TSPEAR: variants seen among roughly 807,000 people sequenced by gnomAD.
The protein encoded by TSPEAR is thrombospondin-type laminin G domain and EAR repeat-containing protein.
Under a neutral mutation model 71.6 loss-of-function variants are expected in TSPEAR, and 69 were observed. The ratio of observed to expected loss-of-function variants is 0.96; its 90% CI spans 0.79 to 1.18. The LOEUF (loss-of-function observed/expected upper bound fraction) is 1.18, where lower values mean the gene tolerates loss of function less well. TSPEAR is among the 50% of genes most tolerant of loss of function. The pLI is 0.00. For missense variants in TSPEAR, 971 were observed against 894.9 expected (o/e 1.09, Z -1.09); for synonymous variants, 402 against 387.2 (o/e 1.04, Z -0.45).
chr21:44,590,185 C>T (rs1273100094), intron 1 of TSPEAR, among the ~76,000 whole-genome samples: 1 of 152,254 alleles, frequency 6.6e-6, no homozygotes, highest in Non-Finnish European at 1.5e-5. Context: ...ATGCAAGGGT[C>T]ATTTGCTGGG....
intron 2 of TSPEAR, among the ~76,000 whole-genome samples, chr21:44,537,010 A>G (rs2053100895): frequency 6.6e-6 from 1 of 152,252 alleles, no homozygotes; most frequent in African/African-American, 2.4e-5. Context: ...GGAATATTTT[A>G]GACCTATAGA....
chr21:44,622,629 G>T (rs1338606250), intron 1 of TSPEAR, among the ~76,000 whole-genome samples: 1 of 152,134 alleles, frequency 6.6e-6, no homozygotes, highest in African/African-American at 2.4e-5. Flanking sequence ...GCTGTCATAC[G>T]CCGTCTTCCC....
At chr21:44,682,043 G>A (rs782613822) in intron 1 of TSPEAR, 19 of 1,613,964 alleles carry the variant, frequency 1.2e-5, no homozygotes, top group South Asian at 3.3e-5. Context: ...GGCAGCCCAC[G>A]GGGATGTAAC....
At chr21:44,562,715 C>T (rs1388583469) in intron 2 of TSPEAR, among the ~76,000 whole-genome samples, 2 of 152,044 alleles carry the variant, frequency 1.3e-5, no homozygotes, top group Non-Finnish European at 1.5e-5. Flanking sequence ...TATGATGGTA[C>T]ATTCAAAGTG....
At chr21:44,707,151 C>G (rs1034970517) in intron 1 of TSPEAR, among the ~76,000 whole-genome samples, 17 of 152,246 alleles carry the variant, frequency 1.1e-4, no homozygotes, top group African/African-American at 3.9e-4. Flanking sequence ...GATCAGGGCG[C>G]GAAGCCCACT....
chr21:44,532,665 C>T lies in TSPEAR; in HGVS notation c.542+1020G>A, dbSNP rs79324807. On this transcript the variant is annotated intron_variant, in intron 3 of 11. Coordinates refer to ENST00000323084, the MANE Select transcript of TSPEAR (RefSeq NM_144991.3). ...TTAATAGATTTAATATAAACTGGAT[C>T]ATTTGCAATTAAAAAGACAGAAGCG... Among the ~76,000 whole-genome samples the T allele has an allele frequency of 2.7e-3, 412 of 152,318 alleles. 9 individuals carry two copies. The highest frequency in any genetic ancestry group is 0.022 in the East Asian group (115 of 5,186).
intron 2 of TSPEAR, among the ~76,000 whole-genome samples, chr21:44,548,667 G>A (rs1208257738): frequency 5.3e-5 from 8 of 152,194 alleles, no homozygotes; most frequent in Admixed American, 1.3e-4. Flanking sequence ...CGGGGACGGT[G>A]GGTTTGTTTA....
chr21:44,606,064 CT>C (rs782750482), intron 1 of TSPEAR, among the ~76,000 whole-genome samples: 3 of 149,390 alleles, frequency 2.0e-5, no homozygotes, highest in Non-Finnish European at 4.4e-5. Flanking sequence ...TGAGGGACTA[CT>C]ACTCACAATA....
chr21:44,673,100 T>C (rs1226936394), intron 1 of TSPEAR, among the ~76,000 whole-genome samples: 1 of 152,200 alleles, frequency 6.6e-6, no homozygotes, highest in African/African-American at 2.4e-5. Context: ...TGGCACATTA[T>C]AGTCAAACTG....
Position 44,574,679 on chromosome 21 carries a change from C to T in TSPEAR, c.83-6674G>A, listed in dbSNP as rs372101809. 3.2e-5 allele frequency: 51 copies of T among 1,606,606 alleles called. 1 individual carries two copies. The highest frequency in any genetic ancestry group is 4.3e-5 in the Non-Finnish European group (51 of 1,175,840). On this transcript the variant is annotated intron_variant, in intron 1 of 11. Transcript: ENST00000323084. The stretch of plus-strand genomic sequence containing the variant: ...AGCAGTCTAGCTGCCAGCCAGCTTG[C>T]TGCACCTCCTCCCAAAGCCAGCAGG...
intron 2 of TSPEAR, chr21:44,558,773 G>A (rs2053591159): frequency 1.3e-6 from 2 of 1,546,976 alleles, no homozygotes; most frequent in African/African-American, 2.7e-5. Flanking sequence ...GTGGGAGTGA[G>A]TGAGGGAGTG....
intron 1 of TSPEAR, among the ~76,000 whole-genome samples, chr21:44,606,163 C>CAAAAAAAA (rs61407657): frequency 3.1e-4 from 22 of 71,030 alleles, no homozygotes; most frequent in Admixed American, 1.6e-3. Context: ...GACCCTGGCT[C>CAAAAAAAA]AAAAAAAAAA....
In TSPEAR at chr21:44,614,030, T is replaced by C. The variant is rs150503396; in HGVS notation, c.83-46025A>G. ...GGCATAGGGACTGCCCCTGCTCTGC[T>C]GGGCTTGCCCATCCTGCCGTAGGTC... On this transcript the variant is annotated intron_variant, in intron 1 of 11. Transcript: ENST00000323084. Among the ~76,000 whole-genome samples, 487 of 152,286 alleles carry C rather than the reference T, an allele frequency of 3.2e-3. 2 individuals are homozygous for C. Among genetic ancestry groups the C allele is most frequent in the South Asian group, 5.4e-3 (26 of 4,826 alleles).
intron 1 of TSPEAR, chr21:44,677,802 T>G: frequency 7.8e-7 from 1 of 1,287,764 alleles, no homozygotes; most frequent in Non-Finnish European, 1.1e-6. Context: ...TGGAACATTA[T>G]AAGGTGCAGA....
At position 44,527,359 on chromosome 21, in the gene TSPEAR, A is replaced by T. The variant is rs2052878199; in HGVS notation, c.1082T>A (p.Phe361Tyr). The T allele has an allele frequency of 3.7e-6, 6 of 1,614,148 alleles. No individual in the cohort carries two copies. Among genetic ancestry groups the T allele is most frequent in the Non-Finnish European group, 4.2e-6 (5 of 1,180,020 alleles). The stretch of plus-strand genomic sequence containing the variant: ...CGTGGGGATGTTCTGATATGAGACG[A>T]ACTTCTCTTCGGTCCACTTGTAGAC... ...SAVYKWTEEK[F>Y]VSYQNIPTHQ... Residue 361 changes from phenylalanine (F) to tyrosine (Y), a missense_variant, in exon 7 of 12, where the codon TTC (phenylalanine) becomes TAC (tyrosine). By Grantham distance (22) the Phe-to-Tyr change is conservative. Coordinates refer to ENST00000323084, the MANE Select transcript of TSPEAR (RefSeq NM_144991.3).
At chr21:44,606,017 T>C (rs1297048646) in intron 1 of TSPEAR, among the ~76,000 whole-genome samples, 3 of 151,950 alleles carry the variant, frequency 2.0e-5, no homozygotes, top group Non-Finnish European at 4.4e-5. Flanking sequence ...AAACAACCCA[T>C]GGATTGGGAA....
chr21:44,582,818 CT>C (rs1979078906), intron 1 of TSPEAR, among the ~76,000 whole-genome samples: 33 of 139,198 alleles, frequency 2.4e-4, no homozygotes, highest in African/African-American at 8.1e-4. Flanking sequence ...CTTTCTCTTT[CT>C]TTCTTTTCTT....
chr21:44,705,301 T>C (rs1285190538), intron 1 of TSPEAR, among the ~76,000 whole-genome samples: 2 of 152,226 alleles, frequency 1.3e-5, no homozygotes, highest in African/African-American at 4.8e-5. Context: ...CAGGACCCTG[T>C]AATAATTGTG....
intron 10 of TSPEAR, 122 bp downstream of exon 10, chr21:44,509,077 A>G (rs6518193): frequency 3.7e-6 from 5 of 1,351,048 alleles, no homozygotes; most frequent in Non-Finnish European, 5.1e-6. Context: ...TTCTTTCCAC[A>G]GGAAGGTCCC....
Sources: gnomAD v4.1 joint callset for allele counts (sites outside exome capture counted in the v4.1 genomes callset) on GRCh38, gnomAD v4.1.1 for gene constraint, MANE v1.5 for transcripts, NCBI Gene and HGNC (gene_info 2026-07-23, HGNC 2026-07-21) for gene names.